The following MIPOL1 variants were observed in gnomAD, a reference collection of about 807,000 sequenced individuals.
MIPOL1 encodes mirror-image polydactyly 1, also known as mirror-image polydactyly gene 1 protein.
Under a neutral mutation model 60.9 loss-of-function variants are expected in MIPOL1, and 57 were observed. That is an observed-to-expected ratio of 0.94 (90% CI 0.76 to 1.17). The LOEUF is 1.17. MIPOL1 is among the 50% of genes most tolerant of loss of function. The pLI is 0.00. For synonymous variants in MIPOL1, 179 were observed against 168.8 expected (o/e 1.06, Z -0.47); for missense variants, 551 against 511.6 (o/e 1.08, Z -0.74).
chr14:37,459,427 A>G (rs2094514057), intron 11 of MIPOL1, among the ~76,000 whole-genome samples: 1 of 152,198 alleles, frequency 6.6e-6, no homozygotes, highest in Non-Finnish European at 1.5e-5. Flanking sequence ...GGAAATGGAT[A>G]TATTCCTGGA....
At chr14:37,202,460 C>A (rs1346162989) in intron 1 of MIPOL1, among the ~76,000 whole-genome samples, 1 of 152,020 alleles carries the variant, frequency 6.6e-6, no homozygotes, top group Non-Finnish European at 1.5e-5. Flanking sequence ...AAGTCCCACA[C>A]AAAGCAATTG....
Position 37,308,415 on chromosome 14 carries a change from G to A in MIPOL1, c.724G>A (p.Ala242Thr). The change falls in exon 9 of 13, where the codon GCT becomes ACT. Residue 242 changes from alanine (A) to threonine (T), a missense_variant. By Grantham distance (58) the Ala-to-Thr change is moderately conservative. Coordinates refer to ENST00000684589, the MANE Select transcript of MIPOL1 (RefSeq NM_001388067.1). ...DTGIAIQKNG[A>T]IIVDRIYKTK... ...AGGGATAGCTATTCAGAAGAATGGA[G>A]CTATAATTGTGGATAGAATCTACAA... The A allele has an allele frequency of 6.2e-7, 1 of 1,605,852 alleles. No homozygotes were observed. Among genetic ancestry groups the A allele is most frequent in the Non-Finnish European group, 8.5e-7 (1 of 1,176,952 alleles).
At chr14:37,316,365 C>A (rs533952014) in intron 9 of MIPOL1, among the ~76,000 whole-genome samples, 2 of 152,038 alleles carry the variant, frequency 1.3e-5, no homozygotes, top group Non-Finnish European at 2.9e-5. Context: ...GTAGTCAGTT[C>A]CCTTGAGTGG....
At chr14:37,292,643 G>C (rs1254085427) in intron 7 of MIPOL1, among the ~76,000 whole-genome samples, 1 of 151,716 alleles carries the variant, frequency 6.6e-6, no homozygotes, top group Non-Finnish European at 1.5e-5. Flanking sequence ...ACCAGCCCCG[G>C]CTAATTTTTG....
chr14:37,397,406 A>G (rs189921257), intron 10 of MIPOL1, among the ~76,000 whole-genome samples: 22 of 151,954 alleles, frequency 1.4e-4, no homozygotes, highest in Non-Finnish European at 8.8e-5. Context: ...AATGGGTAAA[A>G]TGGACTCTGT....
intron 1 of MIPOL1, among the ~76,000 whole-genome samples, chr14:37,239,444 A>G (rs1213058746): frequency 1.3e-5 from 2 of 152,144 alleles, no homozygotes; most frequent in African/African-American, 4.8e-5. Flanking sequence ...TCATTTTGAG[A>G]TAGCTTTTAA....
intron 3 of MIPOL1, among the ~76,000 whole-genome samples, chr14:37,248,194 A>G (rs1404689222): frequency 1.3e-5 from 2 of 152,052 alleles, no homozygotes; most frequent in East Asian, 1.9e-4. Flanking sequence ...ACCAGGAAAT[A>G]GAAACACGCC....
At chr14:37,408,523 A>G (rs1245474437) in intron 10 of MIPOL1, among the ~76,000 whole-genome samples, 1 of 152,120 alleles carries the variant, frequency 6.6e-6, no homozygotes, top group Non-Finnish European at 1.5e-5. Flanking sequence ...CCGGCTACCC[A>G]GGAGGCTGAG....
At chr14:37,512,492 G>A (rs2095336395) in intron 12 of MIPOL1, among the ~76,000 whole-genome samples, 2 of 145,928 alleles carry the variant, frequency 1.4e-5, no homozygotes, top group African/African-American at 5.0e-5. Flanking sequence ...AAAAAAAAAA[G>A]CCTGCTATTT....
chr14:37,236,741 A>G (rs1379105935), intron 1 of MIPOL1, among the ~76,000 whole-genome samples: 4 of 152,012 alleles, frequency 2.6e-5, no homozygotes, highest in Admixed American at 6.6e-5. Flanking sequence ...CCTGGCCTCC[A>G]AATTATTTGT....
intron 3 of MIPOL1, among the ~76,000 whole-genome samples, chr14:37,258,152 CTG>C (rs1975270527): frequency 6.6e-6 from 1 of 152,134 alleles, no homozygotes. Context: ...TAGTATCTGA[CTG>C]GTGATTCTTC....
chr14:37,419,632 A>G (rs375820500), intron 10 of MIPOL1, among the ~76,000 whole-genome samples: 26 of 152,312 alleles, frequency 1.7e-4, no homozygotes, highest in South Asian at 1.4e-3. Context: ...AAAGTATAAA[A>G]TATACTTGTA....
intron 11 of MIPOL1, among the ~76,000 whole-genome samples, chr14:37,494,488 A>G (rs1356112049): frequency 1.3e-5 from 2 of 152,228 alleles, no homozygotes; most frequent in Admixed American, 6.5e-5. Flanking sequence ...TACCTTCAGC[A>G]GAAAAAACTT....
At chr14:37,345,628 T>C (rs776153866) in intron 9 of MIPOL1, among the ~76,000 whole-genome samples, 3 of 152,200 alleles carry the variant, frequency 2.0e-5, no homozygotes, top group Non-Finnish European at 4.4e-5. Context: ...GTTCCAGATC[T>C]GGAATCAGCC....
In MIPOL1 at chr14:37,268,805, A is replaced by G. The variant is rs764339031; in HGVS notation, c.387+12A>G. ...CAAGCAATAAAAAGGTATAATATGG[A>G]AAGTCTGATAATTGTATAGTATGGG... On this transcript the variant is annotated intron_variant, in intron 5 of 12. Coordinates refer to ENST00000684589, the MANE Select transcript of MIPOL1 (RefSeq NM_001388067.1). The G allele has an allele frequency of 3.9e-6, 6 of 1,543,754 alleles. No homozygotes were observed. In the South Asian group the frequency reaches 4.8e-5, roughly 12 times the overall value.
At chr14:37,351,665 A>AT (rs2091393479) in intron 9 of MIPOL1, among the ~76,000 whole-genome samples, 1 of 101,798 alleles carries the variant, frequency 9.8e-6, no homozygotes, top group Non-Finnish European at 2.1e-5. Context: ...GCCAGTGATG[A>AT]TGAGCATTTT....
intron 11 of MIPOL1, among the ~76,000 whole-genome samples, chr14:37,471,971 G>T (rs1257351850): frequency 6.6e-6 from 1 of 152,114 alleles, no homozygotes; most frequent in Non-Finnish European, 1.5e-5. Context: ...AGGGAAGCAG[G>T]GCCTGAGGTA....
chr14:37,296,532 G>T (rs1011616197), intron 7 of MIPOL1, among the ~76,000 whole-genome samples: 1 of 152,102 alleles, frequency 6.6e-6, no homozygotes, highest in African/African-American at 2.4e-5. Flanking sequence ...TTTTTGAAAA[G>T]ATCAACAAAA....
At chr14:37,331,384 A>T (rs1034060091) in intron 9 of MIPOL1, among the ~76,000 whole-genome samples, 1 of 152,062 alleles carries the variant, frequency 6.6e-6, no homozygotes, top group Non-Finnish European at 1.5e-5. Flanking sequence ...CATTCAATCC[A>T]TGAACATGGA....
Sources: gnomAD v4.1 joint callset for allele counts (sites outside exome capture counted in the v4.1 genomes callset) on GRCh38, gnomAD v4.1.1 for gene constraint, MANE v1.5 for transcripts, NCBI Gene and HGNC (gene_info 2026-07-23, HGNC 2026-07-21) for gene names.